Variants in PPFIBP2 observed in about 807,000 individuals in gnomAD.
The protein encoded by PPFIBP2 is liprin-beta-2.
Under a neutral mutation model 118.3 loss-of-function variants are expected in PPFIBP2, and 118 were observed. That is an observed-to-expected ratio of 1.00 (90% CI 0.86 to 1.16). The LOEUF (loss-of-function observed/expected upper bound fraction) is 1.16, where lower values mean the gene tolerates loss of function less well. PPFIBP2 is among the 50% of genes most tolerant of loss of function. The pLI is 0.00. For missense variants in PPFIBP2, 1,195 were observed against 1,073.1 expected (o/e 1.11, Z -1.59); for synonymous variants, 414 against 397.4 (o/e 1.04, Z -0.50).
chr11:7,639,748 C>T lies in PPFIBP2; in HGVS notation c.1253C>T (p.Ala418Val), dbSNP rs369225693. Reference protein sequence around the residue: ...VLEPKDSPFLAEHKYPTLPGK... With the variant: ...VLEPKDSPFLVEHKYPTLPGK... The stretch of plus-strand genomic sequence containing the variant: ...TTCCAATAGGACAGCCCTTTCTTGG[C>T]GGAGCACAAATATCCCACTTTACCT... Residue 418 changes from alanine (A) to valine (V), a missense_variant, in exon 15 of 24, where the codon GCG (alanine) becomes GTG (valine). By Grantham distance (64) the Ala-to-Val change is moderately conservative (BLOSUM62 0). Coordinates refer to ENST00000299492, the MANE Select transcript of PPFIBP2 (RefSeq NM_003621.5). The T allele has an allele frequency of 1.1e-4, 178 of 1,613,916 alleles. No individual in the cohort carries two copies. Among genetic ancestry groups the T allele is most frequent in the East Asian group, 2.2e-4 (10 of 44,892 alleles).
At chr11:7,604,638 G>A (rs1847121670) in intron 5 of PPFIBP2, among the ~76,000 whole-genome samples, 1 of 152,130 alleles carries the variant, frequency 6.6e-6, no homozygotes, top group African/African-American at 2.4e-5. Flanking sequence ...AGAGGACATG[G>A]GAGTTGACGG....
chr11:7,557,334 T>G (rs1220506527), intron 2 of PPFIBP2, among the ~76,000 whole-genome samples: 1 of 152,166 alleles, frequency 6.6e-6, no homozygotes. Flanking sequence ...CCTTTAATTA[T>G]GTAAAACATA....
chr11:7,588,636 G>A (rs1858645710), intron 3 of PPFIBP2, among the ~76,000 whole-genome samples: 2 of 152,226 alleles, frequency 1.3e-5, no homozygotes, highest in African/African-American at 2.4e-5. Flanking sequence ...AAGGCCTAGG[G>A]AAGACCTTGA....
intron 3 of PPFIBP2, among the ~76,000 whole-genome samples, chr11:7,592,460 C>T (rs1859509455): frequency 6.6e-6 from 1 of 151,968 alleles, no homozygotes; most frequent in Admixed American, 6.5e-5. Flanking sequence ...TATTTAAGTT[C>T]TTCTCAAGAT....
chr11:7,516,337 G>A (rs181515176), intron 1 of PPFIBP2, among the ~76,000 whole-genome samples: 14 of 152,182 alleles, frequency 9.2e-5, no homozygotes, highest in South Asian at 4.2e-4. Flanking sequence ...GGGAGACTTC[G>A]GAGAGATAGA....
intron 3 of PPFIBP2, among the ~76,000 whole-genome samples, chr11:7,580,444 C>T (rs1857102564): frequency 6.6e-6 from 1 of 152,160 alleles, no homozygotes; most frequent in South Asian, 2.1e-4. Context: ...GAAGAGGTTC[C>T]TGGTGCCAGA....
At chr11:7,568,911 CT>C (rs1343053026) in intron 3 of PPFIBP2, 2 of 152,216 alleles carry the variant, frequency 1.3e-5, no homozygotes, top group African/African-American at 4.8e-5. Flanking sequence ...GGATGCACAC[CT>C]TAGGTCCAGT....
At position 7,599,629 on chromosome 11, in the gene PPFIBP2, C is replaced by CTT. The variant is rs372421700; in HGVS notation, c.486+1974_486+1975dup. Reference sequence around the variant, plus strand: ...TTTTTTAAAGTCATAAACTCAATTACTTTTTTTTTTTTTTTTTTTGAGACG... The same window carrying CTT: ...TTTTTTAAAGTCATAAACTCAATTACTTTTTTTTTTTTTTTTTTTTTGAGACG... On this transcript the variant is annotated intron_variant, in intron 5 of 23. Transcript: ENST00000299492. Among the ~76,000 whole-genome samples, 273 of 134,006 alleles carry CTT rather than the reference C, an allele frequency of 2.0e-3. 2 individuals carry two copies. The highest frequency in any genetic ancestry group is 6.8e-3 in the African/African-American group (240 of 35,312). 87.9% of individuals were successfully genotyped at this position (134,006 alleles called of 152,430 possible).
At chr11:7,649,685 G>T (rs764804248) in intron 21 of PPFIBP2, 31 bp downstream of exon 21, 5 of 1,612,952 alleles carry the variant, frequency 3.1e-6, no homozygotes, top group Admixed American at 3.3e-5. Context: ...TCTCCAGGTA[G>T]CCCTGAGCCA....
At position 7,653,626 on chromosome 11, in the gene PPFIBP2, A is replaced by C; in HGVS notation, c.*408A>C. On this transcript the variant is annotated 3_prime_UTR_variant, in exon 24 of 24. Coordinates refer to ENST00000299492, the MANE Select transcript of PPFIBP2 (RefSeq NM_003621.5). ...AAGCTCAAGTGCCTTAGGCCCGTGG[A>C]CCACAGTCTTGGCTGAGATCAAAGG... 1.5e-6 allele frequency: 2 copies of C among 1,295,242 alleles called. No homozygotes were observed. Among genetic ancestry groups the C allele is most frequent in the Non-Finnish European group, 1.0e-6 (1 of 992,984 alleles). 80.2% of individuals were successfully genotyped at this position (1,295,242 alleles called of 1,614,324 possible).
At chr11:7,578,853 G>A (rs949275312) in intron 3 of PPFIBP2, among the ~76,000 whole-genome samples, 1 of 152,128 alleles carries the variant, frequency 6.6e-6, no homozygotes, top group Non-Finnish European at 1.5e-5. Flanking sequence ...ATATACAAAG[G>A]TCCTAAAGCA....
chr11:7,649,581 T>G lies in PPFIBP2; in HGVS notation c.2048T>G (p.Ile683Ser). 1 of 1,614,224 alleles carries G rather than the reference T, an allele frequency of 6.2e-7. No homozygotes were observed. The highest frequency in any genetic ancestry group is 8.5e-7 in the Non-Finnish European group (1 of 1,180,036). The change falls in exon 21 of 24, where the codon ATC (isoleucine) becomes AGC (serine). Residue 683 changes from isoleucine (I) to serine (S), a missense_variant. By Grantham distance (142) the Ile-to-Ser change is moderately radical (BLOSUM62 -2). Coordinates refer to ENST00000299492, the MANE Select transcript of PPFIBP2 (RefSeq NM_003621.5). Reference sequence around the variant, plus strand: ...ACCAGCCAACTACATCATCTCAGCATCAAATGTGCCATTCACGTGCTGCAT... The same window carrying G: ...ACCAGCCAACTACATCATCTCAGCAGCAAATGTGCCATTCACGTGCTGCAT... The part of the protein sequence containing the change: ...KVTSQLHHLS[I>S]KCAIHVLHVN...
intron 3 of PPFIBP2, among the ~76,000 whole-genome samples, chr11:7,579,984 G>C (rs902131137): frequency 6.6e-6 from 1 of 150,556 alleles, no homozygotes; most frequent in East Asian, 1.9e-4. Context: ...ATTCCCTTTC[G>C]TCCTGTGACC....
intron 3 of PPFIBP2, among the ~76,000 whole-genome samples, chr11:7,573,125 G>A (rs1300683592): frequency 6.6e-6 from 1 of 152,194 alleles, no homozygotes; most frequent in Admixed American, 6.5e-5. Flanking sequence ...ACTCCTCCAA[G>A]TGTTGTCCTG....
At chr11:7,617,326 G>T in intron 6 of PPFIBP2, 1 of 983,706 alleles carries the variant, frequency 1.0e-6, no homozygotes, top group Non-Finnish European at 1.2e-6. Flanking sequence ...ATCAGAGCAT[G>T]CGTGTGTGGG....
At chr11:7,538,967 G>C (rs35182749) in intron 1 of PPFIBP2, among the ~76,000 whole-genome samples, 9,645 of 152,218 alleles carry the variant, frequency 0.063, 474 homozygotes, top group Admixed American at 0.16. Flanking sequence ...TATTTTTGTT[G>C]CTGTAAAGCT....
chr11:7,588,226 G>T (rs936585917), intron 3 of PPFIBP2, among the ~76,000 whole-genome samples: 2 of 152,164 alleles, frequency 1.3e-5, no homozygotes, highest in African/African-American at 4.8e-5. Flanking sequence ...GTTTAGGTTA[G>T]GCTAGTATCA....
intron 1 of PPFIBP2, among the ~76,000 whole-genome samples, chr11:7,525,100 C>T (rs1417227288): frequency 6.6e-6 from 1 of 152,124 alleles, no homozygotes; most frequent in African/African-American, 2.4e-5. Flanking sequence ...GCCTGTCCTG[C>T]CCCCTCATTC....
At chr11:7,662,967 C>A in the PPFIBP2 span, among the ~76,000 whole-genome samples, 31 of 138,494 alleles carry the variant, frequency 2.2e-4, 3 homozygotes, top group Non-Finnish European at 1.3e-4. Context: ...GCATTCTTCA[C>A]GTAGTTCTCA....
Sources: gnomAD v4.1 joint callset for allele counts (sites outside exome capture counted in the v4.1 genomes callset) on GRCh38, gnomAD v4.1.1 for gene constraint, MANE v1.5 for transcripts, NCBI Gene and HGNC (gene_info 2026-07-23, HGNC 2026-07-21) for gene names.